The following TMEM120B variants were observed in gnomAD, a reference collection of about 807,000 sequenced individuals.
TMEM120B encodes the protein transmembrane protein 120B.
A neutral mutation model predicts 55.5 loss-of-function variants in TMEM120B; 31 were observed. The ratio of observed to expected loss-of-function variants is 0.56; its 90% CI spans 0.42 to 0.75. The LOEUF is 0.75. Among genes scored for constraint, TMEM120B ranks in the 30% least tolerant of loss-of-function variants. The probability of loss-of-function intolerance (pLI) is 0.00; values close to 1 mark genes in which losing one functional copy is unlikely to be tolerated. For synonymous variants in TMEM120B, 203 were observed against 176.3 expected, an observed-to-expected ratio of 1.15 and a Z score of -1.20; for missense variants, 399 against 425.5, an observed-to-expected ratio of 0.94 and a Z score of 0.55.
rs566790752 is a variant in TMEM120B, at chr12:121,765,894, G to A, written c.551+4156G>A. Among the ~76,000 whole-genome samples, 54 of 152,274 alleles carry A rather than the reference G, an allele frequency of 3.5e-4. No individual in the cohort carries two copies. In the South Asian group the frequency reaches 6.8e-3, roughly 19 times the overall value. On this transcript the variant is annotated intron_variant, in intron 6 of 11. Transcript: ENST00000449592. Reference sequence around the variant, plus strand: ...GGGAGTAGCTCAGAAGCCCTTGCAGGAGAGCCTGTGTGGAGGCGGTGGGAG... The same window carrying A: ...GGGAGTAGCTCAGAAGCCCTTGCAGAAGAGCCTGTGTGGAGGCGGTGGGAG...
intron 2 of TMEM120B, among the ~76,000 whole-genome samples, chr12:121,745,548 C>T (rs766788313): frequency 3.3e-5 from 5 of 151,690 alleles, no homozygotes; most frequent in Admixed American, 6.6e-5. Flanking sequence ...CCCGCCACCA[C>T]GCCCAGCTAA....
intron 1 of TMEM120B, among the ~76,000 whole-genome samples, chr12:121,733,757 C>T (rs1895049024): frequency 7.0e-6 from 1 of 142,610 alleles, no homozygotes; most frequent in African/African-American, 2.6e-5. Flanking sequence ...AGGCTGGTCT[C>T]GAACTCTTGA....
chr12:121,734,527 G>A (rs1275332848), intron 1 of TMEM120B, among the ~76,000 whole-genome samples: 1 of 152,082 alleles, frequency 6.6e-6, no homozygotes, highest in East Asian at 1.9e-4. Flanking sequence ...GAAAGTGCTG[G>A]GATTACAGGC....
chr12:121,761,766 G>C, intron 6 of TMEM120B, 28 bp downstream of exon 6: 1 of 1,580,722 alleles, frequency 6.3e-7, no homozygotes, highest in Non-Finnish European at 8.7e-7. Context: ...TTTGTGGGGA[G>C]CACAAGAGGA....
At chr12:121,764,653 CAAAA>C (rs796148450) in intron 6 of TMEM120B, among the ~76,000 whole-genome samples, 41 of 141,486 alleles carry the variant, frequency 2.9e-4, no homozygotes, top group Non-Finnish European at 5.7e-4. Flanking sequence ...GACCCTGACT[CAAAA>C]AAAAAAAAGT....
intron 8 of TMEM120B, among the ~76,000 whole-genome samples, chr12:121,772,062 CCTTT>C (rs1038590671): frequency 1.8e-4 from 26 of 140,728 alleles, no homozygotes; most frequent in African/African-American, 6.0e-4. Context: ...TCTTTTTCTT[CCTTT>C]CTTTTTCTTT....
chr12:121,763,468 G>C (rs373725418), intron 6 of TMEM120B, among the ~76,000 whole-genome samples: 1 of 150,268 alleles, frequency 6.7e-6, no homozygotes, highest in Non-Finnish European at 1.5e-5. Flanking sequence ...GGCCGAGATG[G>C]AGTCTTGTTC....
intron 1 of TMEM120B, among the ~76,000 whole-genome samples, chr12:121,731,145 G>T (rs944850248): frequency 6.6e-6 from 1 of 152,158 alleles, no homozygotes. Context: ...ATGGATTGTG[G>T]TATAGTCACA....
At position 121,712,856 on chromosome 12, in the gene TMEM120B, G is replaced by T. The variant is rs1324339808; in HGVS notation, c.-40G>T. ...TGGGGGGCCGGTCGGGCAGCGCTGC[G>T]GGAGCAGCCGCCGGCACCGCCGCCT... On this transcript the variant is annotated 5_prime_UTR_variant, in exon 1 of 12. Transcript: ENST00000449592. The T allele has an allele frequency of 7.1e-7, 1 of 1,413,978 alleles. No individual in the cohort carries two copies. Among genetic ancestry groups the T allele is most frequent in the East Asian group, 2.9e-5 (1 of 34,286 alleles). The allele number at this position is 1,413,978 out of a possible 1,614,324, so 87.6% of individuals were successfully genotyped here.
chr12:121,731,919 C>G (rs1312749248), intron 1 of TMEM120B, among the ~76,000 whole-genome samples: 2 of 152,004 alleles, frequency 1.3e-5, no homozygotes, highest in African/African-American at 4.8e-5. Context: ...GGCGGATCAC[C>G]TGAGGTCAGG....
At chr12:121,718,127 TAACAAC>T (rs1287652196) in intron 1 of TMEM120B, among the ~76,000 whole-genome samples, 2 of 152,148 alleles carry the variant, frequency 1.3e-5, no homozygotes, top group Non-Finnish European at 2.9e-5. Flanking sequence ...ATAATAATCA[TAACAAC>T]AACAATAACA....
chr12:121,755,227 C>G (rs966373244), intron 5 of TMEM120B, among the ~76,000 whole-genome samples: 28 of 152,184 alleles, frequency 1.8e-4, no homozygotes, highest in African/African-American at 6.8e-4. Flanking sequence ...ACCACTAAGC[C>G]TGCAGCTGGG....
chr12:121,770,001 C>T (rs1266590563), intron 6 of TMEM120B, among the ~76,000 whole-genome samples: 2 of 152,098 alleles, frequency 1.3e-5, no homozygotes, highest in South Asian at 2.1e-4. Context: ...GAGGTGACAG[C>T]TAGTCTGAAG....
intron 1 of TMEM120B, among the ~76,000 whole-genome samples, chr12:121,732,210 G>A (rs1432141920): frequency 2.6e-5 from 4 of 152,236 alleles, no homozygotes; most frequent in African/African-American, 7.2e-5. Flanking sequence ...CTGCTTGTGA[G>A]GCTGGCACAA....
rs1874446415 is a variant in TMEM120B, at chr12:121,781,238, C to T, written c.*5516C>T. The T allele has an allele frequency of 2.6e-6, 4 of 1,562,366 alleles. No individual in the cohort carries two copies. Among genetic ancestry groups the T allele is most frequent in the Non-Finnish European group, 3.5e-6 (4 of 1,135,190 alleles). ...GGGTCAGGGGACGTCCCCTCCCTGTCTGGACTCTGACGGGTGAAGGGGAAG... is the reference window on the plus strand; with the variant it reads ...GGGTCAGGGGACGTCCCCTCCCTGTTTGGACTCTGACGGGTGAAGGGGAAG... On this transcript the variant is annotated 3_prime_UTR_variant, in exon 12 of 12. Transcript: ENST00000449592.
At position 121,775,352 on chromosome 12, in the gene TMEM120B, G is replaced by T. The variant is rs1019904319; in HGVS notation, c.906+222G>T. 1.1e-6 allele frequency: 1 copy of T among 903,894 alleles called. No homozygotes were observed. The highest frequency in any genetic ancestry group is 1.3e-6 in the Non-Finnish European group (1 of 755,744). The allele number at this position is 903,894 out of a possible 1,614,324, so 56.0% of individuals were successfully genotyped here. ...TTGTGGGGGGCCTGCTTGGCGGGAG[G>T]CTTCTGGAAGGGCTAGGGGTGGAGC... On this transcript the variant is annotated intron_variant, in intron 11 of 11. Transcript: ENST00000449592. This position sits in a 1 kb window ranked among gnomAD's most constrained non-coding sequence, Gnocchi z 4.3.
chr12:121,716,561 C>CTTTTTTTTTTTTT (rs1894706626), intron 1 of TMEM120B, among the ~76,000 whole-genome samples: 2 of 61,252 alleles, frequency 3.3e-5, no homozygotes, highest in Non-Finnish European at 6.3e-5. Context: ...CTTTTTTTTT[C>CTTTTTTTTTTTTT]TTTCTTTTTT....
At chr12:121,771,143 G>C (rs1052243050) in intron 7 of TMEM120B, among the ~76,000 whole-genome samples, 171 bp downstream of exon 7, 1 of 151,164 alleles carries the variant, frequency 6.6e-6, no homozygotes, top group Middle Eastern at 3.2e-3. Flanking sequence ...CACCCAGCCC[G>C]TGAGGGGTTC....
At chr12:121,731,422 T>G (rs1359199972) in intron 1 of TMEM120B, among the ~76,000 whole-genome samples, 1 of 152,112 alleles carries the variant, frequency 6.6e-6, no homozygotes, top group East Asian at 1.9e-4. Context: ...TGGCTAATTT[T>G]TGTAGTATTT....
Sources: allele counts gnomAD v4.1 joint callset (sites outside exome capture counted in the v4.1 genomes callset), GRCh38; gene constraint gnomAD v4.1.1; non-coding constraint Gnocchi (gnomAD v3.1); transcripts MANE v1.5; gene names NCBI Gene and HGNC (gene_info 2026-07-23, HGNC 2026-07-21).